RFX4: variants seen among roughly 807,000 people sequenced by gnomAD.
The protein encoded by RFX4 is regulatory factor X4.
In RFX4, 10 loss-of-function variants were observed where a neutral mutation model predicts 95.0. The observed-to-expected ratio is 0.11, with a 90% CI of 0.06 to 0.18. RFX4 has a LOEUF of 0.18. Among genes scored for constraint, RFX4 ranks in the 10% least tolerant of loss-of-function variants. The pLI is 1.00. For synonymous variants in RFX4, 321 were observed against 340.7 expected (o/e 0.94, Z 0.64); for missense variants, 640 against 922.0 (o/e 0.69, Z 3.96).
At chr12:106,587,819 A>G (rs1040781121) in intron 1 of RFX4, among the ~76,000 whole-genome samples, 46 of 152,200 alleles carry the variant, frequency 3.0e-4, no homozygotes, top group Non-Finnish European at 2.9e-5. Flanking sequence ...TAAGGTGGGA[A>G]CGGAACGGGA....
chr12:106,637,692 G>A (rs1282317178), intron 2 of RFX4, among the ~76,000 whole-genome samples: 1 of 152,096 alleles, frequency 6.6e-6, no homozygotes, highest in African/African-American at 2.4e-5. Flanking sequence ...ATAAGAGACT[G>A]ATTATATGTA....
intron 2 of RFX4, among the ~76,000 whole-genome samples, chr12:106,615,527 A>C (rs911104398): frequency 6.6e-6 from 1 of 152,200 alleles, no homozygotes; most frequent in Non-Finnish European, 1.5e-5. Flanking sequence ...AATACCTGCT[A>C]GGATTTCTGA....
intron 8 of RFX4, among the ~76,000 whole-genome samples, chr12:106,702,341 G>C (rs2042008058): frequency 6.6e-6 from 1 of 152,178 alleles, no homozygotes. Flanking sequence ...CTGAATATGA[G>C]TTGAGGCAGT....
chr12:106,654,905 A>G (rs1161720277), intron 4 of RFX4, among the ~76,000 whole-genome samples: 1 of 152,240 alleles, frequency 6.6e-6, no homozygotes, highest in Non-Finnish European at 1.5e-5. Context: ...CTGTTGGGGC[A>G]TTCTTTAAGA....
chr12:106,761,626 A>C lies in RFX4; in HGVS notation c.*157A>C. 2.5e-6 allele frequency: 1 copy of C among 402,088 alleles called. No individual in the cohort carries two copies. 24.9% of individuals were successfully genotyped at this position (402,088 alleles called of 1,614,324 possible). A position where few individuals can be genotyped will look rare whatever the true frequency, so the allele number is the denominator to read the frequency against. On this transcript the variant is annotated 3_prime_UTR_variant, in exon 18 of 18. Transcript: ENST00000392842. Reference sequence around the variant, plus strand: ...CCTAATGAACATGAGGATGGGATCAATGTGGGATGAATAAACTTTAGTTCA... The same window carrying C: ...CCTAATGAACATGAGGATGGGATCACTGTGGGATGAATAAACTTTAGTTCA...
intron 15 of RFX4, among the ~76,000 whole-genome samples, chr12:106,746,003 G>C (rs2042885702): frequency 2.0e-5 from 3 of 152,098 alleles, no homozygotes; most frequent in Non-Finnish European, 1.5e-5. Context: ...GAGGTAGGAG[G>C]ATCACTTGAG....
rs781777812 is a variant in RFX4 at position 106,720,065 on chromosome 12, C to T, written c.1233+11C>T. 1.4e-4 allele frequency: 227 copies of T among 1,611,716 alleles called. 1 individual carries two copies. Among genetic ancestry groups the T allele is most frequent in the Middle Eastern group, 6.8e-4 (4 of 5,872 alleles). The stretch of plus-strand genomic sequence containing the variant: ...CGCTGTGTTGTGAAGGTTGGTAAAC[C>T]GGCACCTAGCGGGCAGCCTTGGGCC... On this transcript the variant is annotated intron_variant, in intron 12 of 17. Transcript: ENST00000392842. The surrounding 1 kb of genome is among the most constrained non-coding windows in gnomAD (Gnocchi z 4.2).
At chr12:106,685,636 A>G (rs1191457707) in intron 5 of RFX4, among the ~76,000 whole-genome samples, 3 of 152,200 alleles carry the variant, frequency 2.0e-5, no homozygotes, top group Non-Finnish European at 4.4e-5. Flanking sequence ...ATTTTTATTA[A>G]ACTTTAAAAA....
intron 1 of RFX4, among the ~76,000 whole-genome samples, chr12:106,589,876 G>A (rs796248367): frequency 6.6e-5 from 10 of 152,204 alleles, no homozygotes; most frequent in Admixed American, 3.3e-4. Flanking sequence ...GTATCACAGC[G>A]GTTGAGTAGA....
chr12:106,648,304 A>C lies in RFX4; in HGVS notation c.192-5924A>C, dbSNP rs114611080. On this transcript the variant is annotated intron_variant, in intron 3 of 17. Transcript: ENST00000392842. ...TCGTGTGTGTGGGTGGAAGGTGACA[A>C]GGTGTGTCTCAGGAGCAGGAAACGA... 6.9e-3 allele frequency among the ~76,000 whole-genome samples: 1,052 copies of C among 152,106 alleles called. 17 individuals carry two copies. Among genetic ancestry groups the C allele is most frequent in the African/African-American group, 0.024 (1,008 of 41,476 alleles).
intron 13 of RFX4, among the ~76,000 whole-genome samples, chr12:106,727,902 A>G (rs1264992229): frequency 6.6e-6 from 1 of 152,212 alleles, no homozygotes; most frequent in Non-Finnish European, 1.5e-5. Flanking sequence ...TACAGGCATG[A>G]GCCACCGCGC....
chr12:106,601,519 T>C (rs1462180905), intron 1 of RFX4, among the ~76,000 whole-genome samples: 5 of 152,230 alleles, frequency 3.3e-5, no homozygotes, highest in South Asian at 2.1e-4. Flanking sequence ...TGAGAGACTG[T>C]TGATATAGTG....
At chr12:106,734,915 A>T (rs2042681400) in intron 15 of RFX4, among the ~76,000 whole-genome samples, 1 of 152,006 alleles carries the variant, frequency 6.6e-6, no homozygotes, top group Admixed American at 6.6e-5. Context: ...TTTTTAAAAA[A>T]GTTAGCTGGG....
At chr12:106,689,695 G>T (rs1412006443) in intron 7 of RFX4, among the ~76,000 whole-genome samples, 1 of 152,084 alleles carries the variant, frequency 6.6e-6, no homozygotes, top group Non-Finnish European at 1.5e-5. Flanking sequence ...CTAAAGAAAA[G>T]CTTCCTTACA....
intron 1 of RFX4, chr12:106,601,144 T>C: frequency 6.9e-7 from 1 of 1,443,698 alleles, no homozygotes; most frequent in Non-Finnish European, 9.2e-7. Flanking sequence ...GGCGTTGCCA[T>C]GGCAACCCAC....
At chr12:106,684,754 A>C (rs1311866579) in intron 5 of RFX4, 20 of 1,534,874 alleles carry the variant, frequency 1.3e-5, no homozygotes, top group Non-Finnish European at 1.8e-5. Flanking sequence ...GAAGACACGG[A>C]AGGCACAGAA....
At chr12:106,674,300 TAAACAA>T (rs1423730618) in intron 4 of RFX4, among the ~76,000 whole-genome samples, 1 of 151,892 alleles carries the variant, frequency 6.6e-6, no homozygotes, top group Non-Finnish European at 1.5e-5. Flanking sequence ...CTAATCACCC[TAAACAA>T]AATAACATCC....
chr12:106,614,521 T>TGTGTGTGTGTG (rs2040030946), intron 2 of RFX4, among the ~76,000 whole-genome samples: 1 of 62,546 alleles, frequency 1.6e-5, no homozygotes, highest in Non-Finnish European at 3.6e-5. Flanking sequence ...GTGTGTGTGT[T>TGTGTGTGTGTG]TGGTTGAGAA....
intron 8 of RFX4, among the ~76,000 whole-genome samples, chr12:106,698,419 T>C (rs560690300): frequency 1.9e-3 from 295 of 152,228 alleles, no homozygotes; most frequent in Non-Finnish European, 3.5e-3. Flanking sequence ...GCTAGAACTA[T>C]AGGCATGCCC....
Sources: allele counts gnomAD v4.1 joint callset (sites outside exome capture counted in the v4.1 genomes callset), GRCh38; gene constraint gnomAD v4.1.1; non-coding constraint Gnocchi (gnomAD v3.1); transcripts MANE v1.5; gene names NCBI Gene and HGNC (gene_info 2026-07-23, HGNC 2026-07-21).